Variants in TMEM131 observed in about 807,000 individuals in gnomAD.
TMEM131 encodes transmembrane protein 131.
In TMEM131, 66 loss-of-function variants were observed where a neutral mutation model predicts 211.6. That is an observed-to-expected ratio of 0.31 (90% CI 0.26 to 0.38). TMEM131 has a LOEUF of 0.38. Ranked by LOEUF, TMEM131 falls within the 10% of genes least tolerant of loss-of-function variation. The pLI, the probability that TMEM131 is intolerant of heterozygous loss-of-function variation, is 1.00. For missense variants in TMEM131, 2,036 were observed against 2,299.3 expected (o/e 0.89, Z 2.34); for synonymous variants, 844 against 841.3 (o/e 1.00, Z -0.06).
chr2:97,897,541 A>G (rs1166627779), intron 3 of TMEM131, among the ~76,000 whole-genome samples: 1 of 152,136 alleles, frequency 6.6e-6, no homozygotes, highest in Non-Finnish European at 1.5e-5. Flanking sequence ...AAATTTTGTT[A>G]ACAAGAAAAA....
Position 97,762,112 on chromosome 2 carries a change from G to C in TMEM131, c.4812C>G (p.Ser1604=), listed in dbSNP as rs752409903. The C allele has an allele frequency of 3.1e-6, 5 of 1,613,430 alleles. No individual in the cohort carries two copies. In the Admixed American group the frequency reaches 6.7e-5, roughly 22 times the overall value. The change falls in exon 36 of 41, where the codon TCC becomes TCG. Residue 1604 remains serine, a synonymous_variant. Transcript: ENST00000186436. ...KQRQTSPTPA[S]PSPPAAPCPF... ...GGCAGGGGGCAGCTGGGGGAGACGG[G>C]GAAGCAGGTGTCGGTGAGGTCTGGC... is the stretch of plus-strand genomic sequence containing the variant.
At chr2:97,884,975 G>A (rs886728093) in intron 4 of TMEM131, among the ~76,000 whole-genome samples, 1 of 152,126 alleles carries the variant, frequency 6.6e-6, no homozygotes, top group Non-Finnish European at 1.5e-5. Flanking sequence ...CTTTTGTTCT[G>A]TACTTCTTTT....
chr2:97,790,683 G>A (rs1388368665), intron 31 of TMEM131, among the ~76,000 whole-genome samples: 5 of 152,210 alleles, frequency 3.3e-5, no homozygotes, highest in East Asian at 1.9e-4. Flanking sequence ...TTTTATTCAC[G>A]CCCTAAATGT....
chr2:97,959,750 G>C (rs1238866674), intron 1 of TMEM131, among the ~76,000 whole-genome samples: 4 of 152,018 alleles, frequency 2.6e-5, no homozygotes, highest in Admixed American at 6.6e-5. Flanking sequence ...AATACAGTCG[G>C]TATTTAAGTT....
chr2:97,810,184 T>C (rs1174437016), intron 18 of TMEM131, among the ~76,000 whole-genome samples: 3 of 152,186 alleles, frequency 2.0e-5, no homozygotes, highest in African/African-American at 7.2e-5. Flanking sequence ...TATATAGCTT[T>C]TTTTTTGATA....
chr2:97,867,528 G>T (rs771536248), intron 4 of TMEM131, among the ~76,000 whole-genome samples: 17 of 152,182 alleles, frequency 1.1e-4, no homozygotes, highest in Non-Finnish European at 2.4e-4. Flanking sequence ...ACAAGTAGTG[G>T]TCACTGGGGA....
At chr2:97,980,863 G>T (rs570930370) in intron 1 of TMEM131, among the ~76,000 whole-genome samples, 112 of 151,528 alleles carry the variant, frequency 7.4e-4, no homozygotes, top group Non-Finnish European at 1.2e-3. Flanking sequence ...TTCTCAAAAA[G>T]AGAAAATTAC....
intron 11 of TMEM131, among the ~76,000 whole-genome samples, chr2:97,825,690 T>C (rs1052020759): frequency 1.3e-5 from 2 of 152,176 alleles, no homozygotes; most frequent in African/African-American, 4.8e-5. Context: ...AGAGCAGGGA[T>C]AGCTCTTGGA....
At chr2:97,986,808 C>A (rs1407376476) in intron 1 of TMEM131, among the ~76,000 whole-genome samples, 2 of 152,194 alleles carry the variant, frequency 1.3e-5, no homozygotes, top group Non-Finnish European at 2.9e-5. Context: ...TAAAGGTGGT[C>A]CAATTTCGCC....
intron 11 of TMEM131, among the ~76,000 whole-genome samples, chr2:97,822,125 A>G (rs527540580): frequency 2.0e-5 from 3 of 152,120 alleles, no homozygotes; most frequent in Middle Eastern, 3.4e-3. Flanking sequence ...GCTTCTAAAA[A>G]CCACTCTCTG....
chr2:97,967,594 T>C (rs1679113752), intron 1 of TMEM131, among the ~76,000 whole-genome samples: 1 of 152,094 alleles, frequency 6.6e-6, no homozygotes, highest in Non-Finnish European at 1.5e-5. Flanking sequence ...AAAAACTGTA[T>C]ACTCAACTAA....
intron 28 of TMEM131, among the ~76,000 whole-genome samples, 197 bp from the exon 29 acceptor site, chr2:97,795,312 T>C (rs1680708211): frequency 1.3e-5 from 2 of 152,202 alleles, no homozygotes; most frequent in Non-Finnish European, 2.9e-5. Context: ...TGTGAATAAT[T>C]AGAGAAATTA....
intron 1 of TMEM131, among the ~76,000 whole-genome samples, chr2:97,964,612 T>C (rs1678963859): frequency 6.6e-6 from 1 of 152,162 alleles, no homozygotes; most frequent in Non-Finnish European, 1.5e-5. Flanking sequence ...CAATCAAGAT[T>C]TTTCCTTAAA....
intron 11 of TMEM131, among the ~76,000 whole-genome samples, chr2:97,820,952 C>T (rs2105006404): frequency 6.6e-6 from 1 of 151,242 alleles, no homozygotes; most frequent in African/African-American, 2.4e-5. Flanking sequence ...GCTTTTTTTC[C>T]CCCCACAAAT....
intron 2 of TMEM131, among the ~76,000 whole-genome samples, chr2:97,924,410 G>A (rs1676891140): frequency 6.6e-6 from 1 of 152,156 alleles, no homozygotes; most frequent in African/African-American, 2.4e-5. Flanking sequence ...GTCAGCTGTG[G>A]AGCTCCGTAT....
chr2:97,818,528 T>G (rs1206204762), intron 12 of TMEM131, 85 bp downstream of exon 12: 5 of 843,622 alleles, frequency 5.9e-6, no homozygotes, highest in Non-Finnish European at 7.3e-6. Context: ...ACAGTTTGGA[T>G]TTTTATATTA....
intron 17 of TMEM131, among the ~76,000 whole-genome samples, chr2:97,811,879 C>T (rs1326267257): frequency 2.0e-5 from 3 of 152,200 alleles, no homozygotes; most frequent in Admixed American, 1.3e-4. Context: ...CCTTTCAGTA[C>T]TGGTGAGTGC....
At chr2:97,979,274 T>C (rs570577361) in intron 1 of TMEM131, among the ~76,000 whole-genome samples, 5 of 152,320 alleles carry the variant, frequency 3.3e-5, no homozygotes, top group African/African-American at 1.2e-4. Context: ...CAGATGAGCA[T>C]TGGCTTCAAC....
chr2:97,892,165 G>T (rs1223385677), intron 3 of TMEM131, among the ~76,000 whole-genome samples: 1 of 152,080 alleles, frequency 6.6e-6, no homozygotes, highest in African/African-American at 2.4e-5. Context: ...TTTACTTGGT[G>T]TACAATTAGG....
Sources: allele counts gnomAD v4.1 joint callset (sites outside exome capture counted in the v4.1 genomes callset), GRCh38; gene constraint gnomAD v4.1.1; transcripts MANE v1.5; gene names NCBI Gene and HGNC (gene_info 2026-07-23, HGNC 2026-07-21).